ZFP14: variants seen among roughly 807,000 people sequenced by gnomAD.
ZFP14 encodes the protein ZFP14 zinc finger protein.
ZFP14 carries 22 observed loss-of-function variants against 54.5 expected under a neutral mutation model. The observed-to-expected ratio is 0.40, with a 90% CI of 0.29 to 0.58. ZFP14 has a LOEUF of 0.58. ZFP14 is among the 20% of genes least tolerant of loss of function. The pLI is 0.39. For synonymous variants in ZFP14, 159 were observed against 204.0 expected, an observed-to-expected ratio of 0.78 and a Z score of 1.88; for missense variants, 470 against 637.8, an observed-to-expected ratio of 0.74 and a Z score of 2.83.
Position 36,351,715 on chromosome 19 carries a change from C to T in ZFP14, c.235+8720G>A, listed in dbSNP as rs1468581006. Among the ~76,000 whole-genome samples the T allele has an allele frequency of 2.1e-5, 3 of 140,110 alleles. 1 individual carries two copies. Among genetic ancestry groups the T allele is most frequent in the African/African-American group, 7.9e-5 (3 of 38,144 alleles). 91.9% of individuals were successfully genotyped at this position (140,110 alleles called of 152,430 possible). A position where few individuals can be genotyped will look rare whatever the true frequency, so the allele number is the denominator to read the frequency against. On this transcript the variant is annotated intron_variant, in intron 4 of 4. Transcript: ENST00000270001. ...CATCTCTAAAATAAAACAAATTAGC[C>T]GGGCATGGTGGTGTGTACCCGTAGT...
chr19:36,358,045 G>GATCGATCGATCT (rs544309405), intron 4 of ZFP14, among the ~76,000 whole-genome samples: 2 of 141,644 alleles, frequency 1.4e-5, no homozygotes, highest in African/African-American at 5.4e-5. Context: ...GCCCGGCTCT[G>GATCGATCGATCT]ATCTATCTAT....
chr19:36,370,076 A>G (rs139826280), intron 1 of ZFP14, among the ~76,000 whole-genome samples: 2 of 152,320 alleles, frequency 1.3e-5, no homozygotes, highest in African/African-American at 4.8e-5. Context: ...CTGCAGAAAC[A>G]TCAGTTTGAG....
Position 36,341,975 on chromosome 19 carries a change from C to A in ZFP14, c.236-385G>T, listed in dbSNP as rs1005533367. ...CACGCCATTCTCCTGCCTCAGCCTC[C>A]CAAGTAGCTGGGACTACCGGCACCT... On this transcript the variant is annotated intron_variant, in intron 4 of 4. Coordinates refer to ENST00000270001, the MANE Select transcript of ZFP14 (RefSeq NM_020917.3). The surrounding 1 kb of genome is among the most constrained non-coding windows in gnomAD (Gnocchi z 4.2). Among the ~76,000 whole-genome samples the A allele has an allele frequency of 2.0e-5, 3 of 151,886 alleles. No individual in the cohort carries two copies. The highest frequency in any genetic ancestry group is 4.8e-5 in the African/African-American group (2 of 41,334).
chr19:36,351,584 C>T lies in ZFP14; in HGVS notation c.235+8851G>A, dbSNP rs565008404. On this transcript the variant is annotated intron_variant, in intron 4 of 4. Coordinates refer to ENST00000270001, the MANE Select transcript of ZFP14 (RefSeq NM_020917.3). ...GGAATTAAAATACTATTAAGGGTTG[C>T]GTACAGTGGCTTACGCCTGTAATCA... is the stretch of plus-strand genomic sequence containing the variant. 6.3e-5 allele frequency among the ~76,000 whole-genome samples: 9 copies of T among 141,922 alleles called. 1 individual carries two copies. The East Asian group carries it at 1.1e-3, about 17-fold the overall frequency. 93.1% of individuals were successfully genotyped at this position (141,922 alleles called of 152,430 possible).
intron 2 of ZFP14, among the ~76,000 whole-genome samples, chr19:36,365,002 T>C (rs1394811703): frequency 3.6e-5 from 4 of 112,236 alleles, no homozygotes; most frequent in Non-Finnish European, 5.5e-5. Flanking sequence ...TTCTTTTTTT[T>C]TTTTTTTTTT....
chr19:36,374,489 C>CAAAAAA (rs398034483), intron 1 of ZFP14, among the ~76,000 whole-genome samples: 4 of 70,488 alleles, frequency 5.7e-5, no homozygotes, highest in African/African-American at 6.2e-5. Flanking sequence ...GACTCTGTCT[C>CAAAAAA]AAAAAAAAAA....
rs975043491 is a variant in ZFP14 at position 36,355,700 on chromosome 19, A to G, written c.235+4735T>C. 2.1e-5 allele frequency among the ~76,000 whole-genome samples: 3 copies of G among 140,962 alleles called. 1 individual carries two copies. The highest frequency in any genetic ancestry group is 3.6e-3 in the Middle Eastern group (1 of 278). 92.5% of individuals were successfully genotyped at this position (140,962 alleles called of 152,430 possible). A position where few individuals can be genotyped will look rare whatever the true frequency, so the allele number is the denominator to read the frequency against. ...CCTGTCTCAAAAAAAAAAAGAAGAA[A>G]AAAAAAGGAAGAGAGTGACCTCTTT... On this transcript the variant is annotated intron_variant, in intron 4 of 4. Transcript: ENST00000270001.
Position 36,362,133 on chromosome 19 carries a change from A to G in ZFP14, c.115T>C (p.Tyr39His). The change falls in exon 3 of 5, where the codon TAC becomes CAC. Residue 39 changes from tyrosine (Y) to histidine (H), a missense_variant. Tyr to His is a moderately conservative substitution (Grantham distance 83). Transcript: ENST00000270001. Reference sequence around the variant, plus strand: ...TTACCTAGTGAAATGAAGTTGCTGTAGTTCTCCCACATTACATCCCTATAT... The same window carrying G: ...TTACCTAGTGAAATGAAGTTGCTGTGGTTCTCCCACATTACATCCCTATAT... ...DLYRDVMWEN[Y>H]SNFISLGPSI... The G allele has an allele frequency of 6.2e-7, 1 of 1,604,544 alleles. No individual in the cohort carries two copies. The highest frequency in any genetic ancestry group is 8.5e-7 in the Non-Finnish European group (1 of 1,176,654).
At chr19:36,371,730 G>A (rs537854228) in intron 1 of ZFP14, among the ~76,000 whole-genome samples, 26 of 152,078 alleles carry the variant, frequency 1.7e-4, no homozygotes, top group African/African-American at 6.3e-4. Context: ...AGGCCAAGGT[G>A]GGATTACTTG....
chr19:36,375,799 T>G (rs930137766), intron 1 of ZFP14, among the ~76,000 whole-genome samples: 2 of 151,892 alleles, frequency 1.3e-5, no homozygotes, highest in Non-Finnish European at 2.9e-5. Context: ...CCTCGTGATC[T>G]GCCCGCCTCG....
Position 36,337,049 on chromosome 19 carries a change from A to AAT in ZFP14, c.*3174_*3175insAT, listed in dbSNP as rs11273443. The AAT allele has an allele frequency of 6.6e-6, 1 of 152,078 alleles. No individual in the cohort carries two copies. The highest frequency in any genetic ancestry group is 1.5e-5 in the Non-Finnish European group (1 of 68,008). The allele number at this position is 152,078 out of a possible 1,614,324, so 9.4% of individuals were successfully genotyped here. On this transcript the variant is annotated 3_prime_UTR_variant, in exon 5 of 5. Coordinates refer to ENST00000270001, the MANE Select transcript of ZFP14 (RefSeq NM_020917.3). ...ATACGATCTTTTATTTTTTATAATC[A>AAT]CACTGACATAATCCCTAACCAAATT...
At chr19:36,369,569 C>A (rs1376568080) in intron 1 of ZFP14, among the ~76,000 whole-genome samples, 4 of 151,930 alleles carry the variant, frequency 2.6e-5, no homozygotes, top group African/African-American at 9.7e-5. Context: ...TGCCACTACG[C>A]CCGGCTAATT....
At chr19:36,366,850 C>T (rs547831265) in intron 2 of ZFP14, among the ~76,000 whole-genome samples, 2 of 152,052 alleles carry the variant, frequency 1.3e-5, no homozygotes, top group Non-Finnish European at 2.9e-5. Flanking sequence ...ATTTCAAAAA[C>T]GTTTTAAAAA....
chr19:36,340,646 T>C lies in ZFP14; in HGVS notation c.1180A>G (p.Lys394Glu). 2 of 1,614,162 alleles carry C rather than the reference T, an allele frequency of 1.2e-6. No individual in the cohort carries two copies. Among genetic ancestry groups the C allele is most frequent in the Non-Finnish European group, 1.7e-6 (2 of 1,180,032 alleles). Residue 394 changes from lysine (K) to glutamate (E), a missense_variant, in exon 5 of 5, where the codon AAA becomes GAA. Physicochemically the swap from Lys to Glu is moderately conservative, Grantham distance 56. Transcript: ENST00000270001. The surrounding 1 kb of genome is among the most constrained non-coding windows in gnomAD (Gnocchi z 5.4). ...CAACATTCCATACATTCATAGGGTT[T>C]CTCACGAGTATGTATTCTCTGATGG... ...VRHQRIHTRE[K>E]PYECMECWKT...
At chr19:36,362,056 TAG>T in intron 3 of ZFP14, 54 bp downstream of exon 3, 1 of 1,528,500 alleles carries the variant, frequency 6.5e-7, no homozygotes, top group Non-Finnish European at 8.8e-7. Context: ...TTTCTAAATA[TAG>T]TCCTGAAATT....
Position 36,341,345 on chromosome 19 carries a change from C to G in ZFP14, c.481G>C (p.Glu161Gln), listed in dbSNP as rs772861913. The G allele has an allele frequency of 2.0e-5, 33 of 1,614,130 alleles. 1 individual carries two copies. The highest frequency in any genetic ancestry group is 8.8e-5 in the South Asian group (8 of 91,062). ...TCTCCATTATGAACGATCTGATACTCAGTAAGAAAATTGTGCCTTTTGTAA... is the reference window on the plus strand; with the variant it reads ...TCTCCATTATGAACGATCTGATACTGAGTAAGAAAATTGTGCCTTTTGTAA... ...TTYKRHNFLT[E>Q]YQIVHNGEKV... Residue 161 changes from glutamate (E) to glutamine (Q), a missense_variant, in exon 5 of 5, where the codon GAG becomes CAG. Glu to Gln is a conservative substitution (Grantham distance 29). Transcript: ENST00000270001. This position sits in a 1 kb window ranked among gnomAD's most constrained non-coding sequence, Gnocchi z 4.2.
intron 2 of ZFP14, among the ~76,000 whole-genome samples, 177 bp downstream of exon 2, chr19:36,367,707 G>A (rs547114219): frequency 2.0e-5 from 3 of 152,212 alleles, no homozygotes; most frequent in East Asian, 1.9e-4. Context: ...CAAGTGATCC[G>A]CCTGCCTCGG....
intron 1 of ZFP14, among the ~76,000 whole-genome samples, chr19:36,369,215 T>C (rs543322293): frequency 2.6e-5 from 4 of 152,144 alleles, no homozygotes; most frequent in African/African-American, 4.8e-5. Context: ...CAATATTCAT[T>C]GAGAACCTCT....
At chr19:36,348,943 G>A in intron 4 of ZFP14, among the ~76,000 whole-genome samples, 1 of 151,984 alleles carries the variant, frequency 6.6e-6, no homozygotes, top group East Asian at 1.9e-4. Flanking sequence ...ACAAGAAGAG[G>A]AGGGCTGGGC....
Sources: gnomAD v4.1 joint callset for allele counts (sites outside exome capture counted in the v4.1 genomes callset) on GRCh38, gnomAD v4.1.1 for gene constraint, Gnocchi (gnomAD v3.1) non-coding constraint, MANE v1.5 for transcripts, NCBI Gene and HGNC (gene_info 2026-07-23, HGNC 2026-07-21) for gene names.